Variants in CENPP observed in about 807,000 individuals in gnomAD.
The protein encoded by CENPP is centromere protein P.
A neutral mutation model predicts 35.6 loss-of-function variants in CENPP; 24 were observed. That is an observed-to-expected ratio of 0.67 (90% CI 0.49 to 0.95). The LOEUF (loss-of-function observed/expected upper bound fraction) is 0.95, where lower values mean the gene tolerates loss of function less well. CENPP is among the 40% of genes least tolerant of loss of function. The pLI is 0.00. For missense variants in CENPP, 332 were observed against 345.3 expected, an observed-to-expected ratio of 0.96 and a Z score of 0.31; for synonymous variants, 120 against 125.5, an observed-to-expected ratio of 0.96 and a Z score of 0.29.
At chr9:92,460,557 T>C in intron 5 of CENPP, 1 of 1,579,758 alleles carries the variant, frequency 6.3e-7, no homozygotes, top group Non-Finnish European at 8.7e-7. Flanking sequence ...CCAATAAAGT[T>C]GGTGGTAAGC....
intron 5 of CENPP, among the ~76,000 whole-genome samples, chr9:92,513,911 T>C (rs532752466): frequency 1.4e-4 from 21 of 152,328 alleles, no homozygotes; most frequent in African/African-American, 4.8e-4. Flanking sequence ...ACATATAAAT[T>C]ATACCTCATT....
intron 7 of CENPP, 51 bp from the exon 8 acceptor site, chr9:92,612,968 C>A: frequency 6.2e-7 from 1 of 1,610,514 alleles, no homozygotes; most frequent in South Asian, 1.1e-5. Flanking sequence ...AACAAAAGAC[C>A]AAAAGCTGCC....
chr9:92,601,808 A>G (rs1040189319), intron 5 of CENPP, among the ~76,000 whole-genome samples: 2 of 152,172 alleles, frequency 1.3e-5, no homozygotes, highest in African/African-American at 4.8e-5. Flanking sequence ...ATGTCAAAAG[A>G]GCTAGACTGA....
intron 5 of CENPP, among the ~76,000 whole-genome samples, chr9:92,481,078 G>A (rs1342214650): frequency 6.6e-6 from 1 of 152,142 alleles, no homozygotes; most frequent in African/African-American, 2.4e-5. Context: ...TAGCAATCAA[G>A]CTACTGTCTT....
In CENPP at chr9:92,613,297, C is replaced by A; in HGVS notation, c.*148C>A. 1.2e-6 allele frequency: 1 copy of A among 818,192 alleles called. No homozygotes were observed. The highest frequency in any genetic ancestry group is 1.9e-6 in the Non-Finnish European group (1 of 523,100). 50.7% of individuals were successfully genotyped at this position (818,192 alleles called of 1,614,324 possible). On this transcript the variant is annotated 3_prime_UTR_variant, in exon 8 of 8. Coordinates refer to ENST00000375587, the MANE Select transcript of CENPP (RefSeq NM_001012267.3). The stretch of plus-strand genomic sequence containing the variant: ...TTATGGCACATTATATGGAAACTCT[C>A]ATGACATGAAAAATAAATACAACTA...
chr9:92,329,405 C>T (rs1231131074), intron 1 of CENPP, among the ~76,000 whole-genome samples: 1 of 152,072 alleles, frequency 6.6e-6, no homozygotes, highest in Admixed American at 6.5e-5. Flanking sequence ...AGTCTGGTCT[C>T]GAACTCTTGA....
At position 92,476,207 on chromosome 9, in the gene CENPP, A is replaced by C. The variant is rs756737443; in HGVS notation, c.564+96348A>C. The stretch of plus-strand genomic sequence containing the variant: ...GAGTGCCAGAGAGCAGCTGAGCTGC[A>C]AAAGACTTCTATAGTCAGCCAGGAT... On this transcript the variant is annotated intron_variant, in intron 5 of 7. Transcript: ENST00000375587. The surrounding 1 kb of genome is among the most constrained non-coding windows in gnomAD (Gnocchi z 4.1). 6.6e-6 allele frequency among the ~76,000 whole-genome samples: 1 copy of C among 152,104 alleles called. No individual in the cohort carries two copies. The highest frequency in any genetic ancestry group is 1.5e-5 in the Non-Finnish European group (1 of 68,018).
intron 5 of CENPP, among the ~76,000 whole-genome samples, chr9:92,398,808 C>T (rs190775149): frequency 4.3e-4 from 66 of 152,202 alleles, no homozygotes; most frequent in African/African-American, 1.3e-3. Context: ...TGGTGGCTCA[C>T]GCCTGTAATA....
At chr9:92,435,571 C>T (rs541387172) in intron 5 of CENPP, among the ~76,000 whole-genome samples, 1 of 152,158 alleles carries the variant, frequency 6.6e-6, no homozygotes, top group South Asian at 2.1e-4. Flanking sequence ...AATCTCTTGC[C>T]CTTCCCCCTT....
chr9:92,514,854 CTCCTCCTCA>C (rs752754174), intron 5 of CENPP: 1 of 1,612,534 alleles, frequency 6.2e-7, no homozygotes, highest in Non-Finnish European at 8.5e-7. Context: ...CCTCACCCTC[CTCCTCCTCA>C]TCCTCCTCCT....
chr9:92,337,081 G>A (rs1308709837), intron 2 of CENPP, among the ~76,000 whole-genome samples: 1 of 152,236 alleles, frequency 6.6e-6, no homozygotes, highest in African/African-American at 2.4e-5. Flanking sequence ...ACTTTGGGAG[G>A]CCGAGGTGGG....
intron 5 of CENPP, among the ~76,000 whole-genome samples, chr9:92,489,486 C>T (rs1350463509): frequency 1.3e-5 from 2 of 152,148 alleles, no homozygotes; most frequent in African/African-American, 2.4e-5. Flanking sequence ...AGGACAGGCT[C>T]ATTGATCAGA....
In CENPP at chr9:92,532,015, G is replaced by GTTTTTTTTTTTGTTTTTTTTTTT. The variant is rs1848801440; in HGVS notation, c.565-79288_565-79287insGTTTTTTTTTTTTTTTTTTTTTT. On this transcript the variant is annotated intron_variant, in intron 5 of 7. Coordinates refer to ENST00000375587, the MANE Select transcript of CENPP (RefSeq NM_001012267.3). ...TTTTCTTTTTCTTTTTTTATTTAAT[G>GTTTTTTTTTTTGTTTTTTTTTTT]TTTTTTTTTTTTTATTTTATTTTTT... Among the ~76,000 whole-genome samples the GTTTTTTTTTTTGTTTTTTTTTTT allele has an allele frequency of 6.3e-5, 6 of 95,736 alleles. 1 individual carries two copies. The highest frequency in any genetic ancestry group is 3.0e-4 in the African/African-American group (5 of 16,844). The allele number at this position is 95,736 out of a possible 152,430, so 62.8% of individuals were successfully genotyped here.
chr9:92,490,990 A>C (rs866767624), intron 5 of CENPP, among the ~76,000 whole-genome samples: 2 of 152,326 alleles, frequency 1.3e-5, no homozygotes, highest in African/African-American at 4.8e-5. Context: ...CATAAGCTGA[A>C]CCAGTTTTGA....
intron 5 of CENPP, among the ~76,000 whole-genome samples, chr9:92,381,318 CTG>C (rs1842237881): frequency 6.7e-6 from 1 of 148,518 alleles, no homozygotes; most frequent in Non-Finnish European, 1.5e-5. Context: ...GGGTCTCACT[CTG>C]TCACCCAGGC....
chr9:92,483,007 A>G (rs1845962092), intron 5 of CENPP, among the ~76,000 whole-genome samples: 1 of 152,100 alleles, frequency 6.6e-6, no homozygotes, highest in African/African-American at 2.4e-5. Flanking sequence ...CATATGTGAT[A>G]TAACACAGAC....
chr9:92,596,745 G>A (rs934749097), intron 5 of CENPP, among the ~76,000 whole-genome samples: 19 of 151,918 alleles, frequency 1.3e-4, no homozygotes, highest in African/African-American at 3.9e-4. Flanking sequence ...TAAAAAAAAC[G>A]ATGATAAGAG....
intron 5 of CENPP, among the ~76,000 whole-genome samples, chr9:92,451,373 T>C (rs1281872645): frequency 6.8e-6 from 1 of 146,180 alleles, no homozygotes; most frequent in African/African-American, 2.6e-5. Flanking sequence ...CCATTGCTTG[T>C]TTTTCTCAGG....
chr9:92,595,469 T>C (rs1850756815), intron 5 of CENPP, among the ~76,000 whole-genome samples: 1 of 152,152 alleles, frequency 6.6e-6, no homozygotes, highest in Non-Finnish European at 1.5e-5. Flanking sequence ...CCTGAACTCC[T>C]GACCTCAAGC....
Sources: allele counts gnomAD v4.1 joint callset (sites outside exome capture counted in the v4.1 genomes callset), GRCh38; gene constraint gnomAD v4.1.1; non-coding constraint Gnocchi (gnomAD v3.1); transcripts MANE v1.5; gene names NCBI Gene and HGNC (gene_info 2026-07-23, HGNC 2026-07-21).